Variants in PSMG2 observed in about 807,000 individuals in gnomAD.
PSMG2 encodes the protein proteasome assembly chaperone 2.
Under a neutral mutation model 31.5 loss-of-function variants are expected in PSMG2, and 21 were observed. The observed-to-expected ratio is 0.67, with a 90% CI of 0.47 to 0.96. PSMG2 has a LOEUF of 0.96. Ranked by LOEUF, PSMG2 falls within the 40% of genes least tolerant of loss-of-function variation. The pLI is 0.00. For missense variants in PSMG2, 318 were observed against 321.2 expected, an observed-to-expected ratio of 0.99 and a Z score of 0.08; for synonymous variants, 120 against 110.4, an observed-to-expected ratio of 1.09 and a Z score of -0.54.
At chr18:12,715,772 CT>C (rs1181034500) in intron 3 of PSMG2, among the ~76,000 whole-genome samples, 1 of 152,166 alleles carries the variant, frequency 6.6e-6, no homozygotes, top group Non-Finnish European at 1.5e-5. Flanking sequence ...TCCCAAAGTG[CT>C]GGGATTACAG....
Position 12,720,602 on chromosome 18 carries a change from G to A in PSMG2, c.500G>A (p.Arg167Gln), listed in dbSNP as rs753428683. The change falls in exon 5 of 7, where the codon CGG (arginine) becomes CAG (glutamine). Residue 167 changes from arginine (R) to glutamine (Q), a missense_variant. Transcript: ENST00000317615. The stretch of plus-strand genomic sequence containing the variant: ...AACTGGGAAGAAATGGAAAAAAGCC[G>A]GTGCATTCCTGAAATAGATGATTCC... ...SLNWEEMEKS[R>Q]CIPEIDDSEF... 29 of 1,613,562 alleles carry A rather than the reference G, an allele frequency of 1.8e-5. No individual in the cohort carries two copies. The highest frequency in any genetic ancestry group is 5.0e-5 in the Admixed American group (3 of 59,926).
chr18:12,681,866 T>C (rs1205951922), intron 1 of PSMG2, among the ~76,000 whole-genome samples: 2 of 151,908 alleles, frequency 1.3e-5, no homozygotes, highest in Non-Finnish European at 2.9e-5. Flanking sequence ...TATGGTGGTG[T>C]GTGCCTGTAA....
At chr18:12,716,555 G>A (rs375650524) in intron 3 of PSMG2, among the ~76,000 whole-genome samples, 5 of 151,920 alleles carry the variant, frequency 3.3e-5, no homozygotes, top group Non-Finnish European at 7.4e-5. Context: ...CATCACGCCC[G>A]GCTAATTTTT....
chr18:12,665,591 G>A (rs1310733368), intron 1 of PSMG2, among the ~76,000 whole-genome samples: 1 of 152,150 alleles, frequency 6.6e-6, no homozygotes, highest in Non-Finnish European at 1.5e-5. Flanking sequence ...TCCTTCTTAA[G>A]AGATGTTGGA....
At chr18:12,703,037 C>T (rs2040210711), upstream of PSMG2, 14 of 1,549,190 alleles carry the variant, frequency 9.0e-6, no homozygotes, top group Non-Finnish European at 1.1e-5. Context: ...GGGTCTCGGG[C>T]TTCCGCCTTC....
At chr18:12,702,455 G>A, upstream of PSMG2, 3 of 1,541,378 alleles carry the variant, frequency 1.9e-6, no homozygotes, top group Non-Finnish European at 2.7e-6. Flanking sequence ...GGGTCGGCCC[G>A]GCGGTCTCTC....
intron 1 of PSMG2, chr18:12,680,596 CAA>C (rs34861312): frequency 0.15 from 114,803 of 743,750 alleles, 687 homozygotes; most frequent in Non-Finnish European, 0.16. Flanking sequence ...GACTCCATCT[CAA>C]AAAAAAAAAA....
chr18:12,707,198 T>A (rs1317175620), intron 2 of PSMG2, among the ~76,000 whole-genome samples: 1 of 152,184 alleles, frequency 6.6e-6, no homozygotes, highest in Non-Finnish European at 1.5e-5. Flanking sequence ...GACTTCGTGA[T>A]CCAACCGCCT....
chr18:12,699,586 C>T (rs1331119804), upstream of PSMG2, among the ~76,000 whole-genome samples: 2 of 152,140 alleles, frequency 1.3e-5, no homozygotes, highest in African/African-American at 2.4e-5. Context: ...CAAGGCTGTA[C>T]AGTTTTTATA....
chr18:12,661,235 G>C (rs2144934697), intron 1 of PSMG2: 1 of 239,748 alleles, frequency 4.2e-6, no homozygotes, highest in East Asian at 1.8e-4. Flanking sequence ...TTGAACCCGG[G>C]AGGCGGAGCG....
intron 1 of PSMG2, chr18:12,674,678 C>A (rs1350927061): frequency 6.2e-7 from 1 of 1,613,950 alleles, no homozygotes; most frequent in Non-Finnish European, 8.5e-7. Context: ...GTTGTACGCT[C>A]AAATTCATAA....
chr18:12,683,521 C>T (rs1253417341), intron 1 of PSMG2, among the ~76,000 whole-genome samples: 4 of 151,982 alleles, frequency 2.6e-5, no homozygotes, highest in East Asian at 1.9e-4. Context: ...GAGGCAGAGG[C>T]GGGCAGATCA....
At chr18:12,678,032 T>C in intron 1 of PSMG2, 4 of 1,141,450 alleles carry the variant, frequency 3.5e-6, no homozygotes. Flanking sequence ...TGACTGGCAC[T>C]ATCACACACA....
At chr18:12,702,766 C>A (rs1468426725), upstream of PSMG2, 1 of 585,642 alleles carries the variant, frequency 1.7e-6, no homozygotes, top group African/African-American at 2.0e-5. Flanking sequence ...CAAACAGTGG[C>A]GGACAAACAG....
intron 3 of PSMG2, 68 bp from the exon 4 acceptor site, chr18:12,718,449 A>G (rs2040398685): frequency 1.2e-6 from 1 of 821,336 alleles, no homozygotes; most frequent in Non-Finnish European, 1.9e-6. Context: ...GAAATAGTAT[A>G]TAGAATGTTT....
At chr18:12,680,678 T>A in intron 1 of PSMG2, 1 of 1,609,446 alleles carries the variant, frequency 6.2e-7, no homozygotes, top group Non-Finnish European at 8.5e-7. Context: ...CCTGTTAAAC[T>A]CTCCCAAAAA....
intron 2 of PSMG2, among the ~76,000 whole-genome samples, chr18:12,711,570 C>T (rs912951937): frequency 2.0e-5 from 3 of 152,088 alleles, no homozygotes; most frequent in African/African-American, 7.2e-5. Flanking sequence ...CCCAGTCACA[C>T]CACATCACGC....
chr18:12,688,423 C>G (rs9956807), intron 1 of PSMG2, among the ~76,000 whole-genome samples: 2,716 of 152,156 alleles, frequency 0.018, 88 homozygotes, highest in African/African-American at 0.062. Flanking sequence ...ATCTACAGAT[C>G]TTTGGTTAGT....
intron 1 of PSMG2, among the ~76,000 whole-genome samples, chr18:12,667,915 A>C (rs1351367446): frequency 6.6e-6 from 1 of 150,562 alleles, no homozygotes; most frequent in Non-Finnish European, 1.5e-5. Flanking sequence ...GGGGAAAAAA[A>C]CACGAGGGAA....
Sources: gnomAD v4.1 joint callset for allele counts (sites outside exome capture counted in the v4.1 genomes callset) on GRCh38, gnomAD v4.1.1 for gene constraint, MANE v1.5 for transcripts, NCBI Gene and HGNC (gene_info 2026-07-23, HGNC 2026-07-21) for gene names.